The following RSRC1 variants were observed in gnomAD, a reference collection of about 807,000 sequenced individuals.
RSRC1 encodes the protein serine/Arginine-related protein 53.
RSRC1 carries 39 observed loss-of-function variants against 49.1 expected under a neutral mutation model. The ratio of observed to expected loss-of-function variants is 0.79; its 90% confidence interval spans 0.61 to 1.04. The LOEUF (loss-of-function observed/expected upper bound fraction) is 1.04, where lower values mean the gene tolerates loss of function less well. Ranked by LOEUF, RSRC1 falls within the 50% of genes least tolerant of loss-of-function variation. The pLI, the probability that RSRC1 is intolerant of heterozygous loss-of-function variation, is 0.00. For missense variants in RSRC1, 388 were observed against 402.4 expected, an observed-to-expected ratio of 0.96 and a Z score of 0.31; for synonymous variants, 143 against 130.8, an observed-to-expected ratio of 1.09 and a Z score of -0.63.
intron 3 of RSRC1, among the ~76,000 whole-genome samples, chr3:158,193,072 C>G (rs1462508919): frequency 6.6e-6 from 1 of 151,992 alleles, no homozygotes; most frequent in Non-Finnish European, 1.5e-5. Flanking sequence ...CTTCCTTCTC[C>G]CAAATAACTT....
At chr3:158,542,529 T>C (rs1254624563) in intron 8 of RSRC1, among the ~76,000 whole-genome samples, 1 of 152,180 alleles carries the variant, frequency 6.6e-6, no homozygotes. Flanking sequence ...AGTAAGACTC[T>C]GTCTCAAAAG....
chr3:158,444,829 A>G (rs1736601118), intron 6 of RSRC1, among the ~76,000 whole-genome samples: 1 of 152,158 alleles, frequency 6.6e-6, no homozygotes, highest in Admixed American at 6.5e-5. Context: ...CAACCCCATC[A>G]ACAAATGGGC....
intron 6 of RSRC1, among the ~76,000 whole-genome samples, chr3:158,430,850 G>A (rs931502159): frequency 6.6e-6 from 1 of 151,936 alleles, no homozygotes; most frequent in African/African-American, 2.4e-5. Flanking sequence ...CACATCCAGT[G>A]TGGACTGAAG....
chr3:158,242,587 A>C (rs928608938), intron 4 of RSRC1, among the ~76,000 whole-genome samples: 1 of 152,110 alleles, frequency 6.6e-6, no homozygotes, highest in Non-Finnish European at 1.5e-5. Context: ...TGCTGAGTCA[A>C]ATGTATTTCT....
chr3:158,238,465 T>C (rs1456754509), intron 4 of RSRC1, among the ~76,000 whole-genome samples: 1 of 152,142 alleles, frequency 6.6e-6, no homozygotes, highest in Non-Finnish European at 1.5e-5. Flanking sequence ...GACTTCAAAC[T>C]ATACTACAAG....
chr3:158,233,370 A>G (rs924442986), intron 4 of RSRC1, among the ~76,000 whole-genome samples: 6 of 152,228 alleles, frequency 3.9e-5, no homozygotes, highest in East Asian at 1.9e-4. Flanking sequence ...AGTGATTGCA[A>G]TTGTCTTGTT....
At chr3:158,221,307 A>G (rs1227168996) in intron 4 of RSRC1, among the ~76,000 whole-genome samples, 1 of 151,482 alleles carries the variant, frequency 6.6e-6, no homozygotes, top group African/African-American at 2.4e-5. Context: ...ATATTCCCTA[A>G]TAACTTTGTC....
chr3:158,295,923 CTT>C, intron 4 of RSRC1, among the ~76,000 whole-genome samples: 1 of 152,042 alleles, frequency 6.6e-6, no homozygotes, highest in Non-Finnish European at 1.5e-5. Flanking sequence ...TATTTACAGT[CTT>C]TGTTTATCCC....
At position 158,118,452 on chromosome 3, in the gene RSRC1, TGTGTGTGTGTGC is replaced by T. The variant is rs1431890681; in HGVS notation, c.-2-3649_-2-3638del. Among the ~76,000 whole-genome samples, 261 of 137,426 alleles carry T rather than the reference TGTGTGTGTGTGC, an allele frequency of 1.9e-3. 2 individuals carry two copies. Among genetic ancestry groups the T allele is most frequent in the African/African-American group, 6.8e-3 (245 of 36,096 alleles). 90.2% of individuals were successfully genotyped at this position (137,426 alleles called of 152,430 possible). Reference sequence around the variant, plus strand: ...GTGTGTGTGTGTGTGTGTGTGTGTGTGTGTGTGTGTGCGCGTGCGCGTGGTTTTTTTAAATTG... The same window carrying T: ...GTGTGTGTGTGTGTGTGTGTGTGTGTGCGTGCGCGTGGTTTTTTTAAATTG... On this transcript the variant is annotated intron_variant, in intron 1 of 9. Coordinates refer to ENST00000611884, the MANE Select transcript of RSRC1 (RefSeq NM_001271838.2).
At chr3:158,309,506 A>G (rs1257146459) in intron 5 of RSRC1, among the ~76,000 whole-genome samples, 3 of 151,872 alleles carry the variant, frequency 2.0e-5, no homozygotes, top group Non-Finnish European at 2.9e-5. Flanking sequence ...TAGTGATGGA[A>G]ATGACAGAAG....
chr3:158,316,886 C>CA (rs1436829310), intron 5 of RSRC1, among the ~76,000 whole-genome samples: 1 of 152,146 alleles, frequency 6.6e-6, no homozygotes, highest in African/African-American at 2.4e-5. Flanking sequence ...GCAAAAATAA[C>CA]AGAGTTTCAA....
At position 158,515,891 on chromosome 3, in the gene RSRC1, C is replaced by T. The variant is rs1361565105; in HGVS notation, c.653-21201C>T. ...TACCCTTTCTTCCAGTTGATCACAT[C>T]GGCTCCTGAGGCTTCTGCATTCTTC... On this transcript the variant is annotated intron_variant, in intron 7 of 9. Transcript: ENST00000611884. Among the ~76,000 whole-genome samples, 27 of 151,892 alleles carry T rather than the reference C, an allele frequency of 1.8e-4. No individual in the cohort carries two copies. In the South Asian group the frequency reaches 3.3e-3, roughly 19 times the overall value.
chr3:158,314,243 ACCAC>A (rs1189704353), intron 5 of RSRC1, among the ~76,000 whole-genome samples: 55 of 152,214 alleles, frequency 3.6e-4, no homozygotes, highest in African/African-American at 1.3e-3. Context: ...GGTGCCTGCC[ACCAC>A]GCCTGGCTAA....
chr3:158,120,334 C>T (rs1715161679), intron 1 of RSRC1, among the ~76,000 whole-genome samples: 1 of 151,924 alleles, frequency 6.6e-6, no homozygotes, highest in Admixed American at 6.6e-5. Flanking sequence ...ATCCTTAATT[C>T]TGGCTCTAGG....
intron 3 of RSRC1, among the ~76,000 whole-genome samples, chr3:158,192,869 A>G (rs827151): frequency 0.58 from 87,876 of 151,810 alleles, 25,741 homozygotes; most frequent in East Asian, 0.73. Context: ...TCACCTTCCT[A>G]TATAAAAGAT....
intron 6 of RSRC1, among the ~76,000 whole-genome samples, chr3:158,399,892 A>G (rs1297961241): frequency 6.6e-6 from 1 of 152,150 alleles, no homozygotes; most frequent in African/African-American, 2.4e-5. Flanking sequence ...CCTCCAATAA[A>G]CAAGTGCTGT....
At chr3:158,250,194 C>G (rs992892340) in intron 4 of RSRC1, among the ~76,000 whole-genome samples, 1 of 152,096 alleles carries the variant, frequency 6.6e-6, no homozygotes, top group African/African-American at 2.4e-5. Context: ...TATGTTAGCA[C>G]GTTTTCTTTA....
At chr3:158,263,137 C>G (rs1374265021) in intron 4 of RSRC1, among the ~76,000 whole-genome samples, 2 of 152,032 alleles carry the variant, frequency 1.3e-5, no homozygotes, top group Admixed American at 6.6e-5. Flanking sequence ...AGTCTTTTTC[C>G]ATTATTTTGA....
At chr3:158,303,219 T>C (rs1316451810) in intron 5 of RSRC1, 1 of 152,194 alleles carries the variant, frequency 6.6e-6, no homozygotes, top group Non-Finnish European at 1.5e-5. Context: ...GGGAGAAGGA[T>C]TTAGATCAGA....
Sources: gnomAD v4.1 joint callset for allele counts (sites outside exome capture counted in the v4.1 genomes callset) on GRCh38, gnomAD v4.1.1 for gene constraint, MANE v1.5 for transcripts, NCBI Gene and HGNC (gene_info 2026-07-23, HGNC 2026-07-21) for gene names.